FHIT: variants seen among roughly 807,000 people sequenced by gnomAD.
FHIT encodes the protein bis(5'-adenosyl)-triphosphatase.
In FHIT, 19 loss-of-function variants were observed where a neutral mutation model predicts 17.9. The ratio of observed to expected loss-of-function variants is 1.06; its 90% CI spans 0.74 to 1.56. The LOEUF (loss-of-function observed/expected upper bound fraction) is 1.56, where lower values mean the gene tolerates loss of function less well. Ranked by LOEUF, FHIT falls within the 40% of genes most tolerant of loss-of-function variation. The pLI is 0.00. For missense variants in FHIT, 248 were observed against 189.2 expected (o/e 1.31, Z -1.82); for synonymous variants, 81 against 69.7 (o/e 1.16, Z -0.81).
At chr3:60,420,143 G>T (rs750747564) in intron 5 of FHIT, among the ~76,000 whole-genome samples, 3 of 152,026 alleles carry the variant, frequency 2.0e-5, no homozygotes, top group East Asian at 1.9e-4. Context: ...TTCATTGTGC[G>T]TAAATATACA....
chr3:60,849,441 AAT>A (rs10662932), intron 3 of FHIT, among the ~76,000 whole-genome samples: 3,646 of 137,658 alleles, frequency 0.026, 149 homozygotes, highest in African/African-American at 0.079. Context: ...ACAAAAATGA[AAT>A]ATATATATAT....
chr3:59,803,241 T>C (rs589792), intron 8 of FHIT, among the ~76,000 whole-genome samples: 28,156 of 152,072 alleles, frequency 0.19, 3,467 homozygotes, highest in African/African-American at 0.35. Flanking sequence ...GAGATATCCC[T>C]CCCAATTTAT....
chr3:60,153,499 C>T (rs1700557136), intron 5 of FHIT, among the ~76,000 whole-genome samples: 1 of 151,950 alleles, frequency 6.6e-6, no homozygotes, highest in Non-Finnish European at 1.5e-5. Context: ...TGAGGTTTAT[C>T]ATGAATATTG....
intron 3 of FHIT, among the ~76,000 whole-genome samples, chr3:60,823,422 C>T (rs1274694950): frequency 6.6e-6 from 1 of 152,250 alleles, no homozygotes; most frequent in East Asian, 1.9e-4. Context: ...TGAAGTCATA[C>T]TGGAGATCGG....
intron 5 of FHIT, among the ~76,000 whole-genome samples, chr3:60,081,379 AC>A (rs1246262204): frequency 6.6e-6 from 1 of 152,064 alleles, no homozygotes; most frequent in African/African-American, 2.4e-5. Flanking sequence ...AAGCCTTGTC[AC>A]CACAACCCCA....
At chr3:60,196,878 C>T (rs763083789) in intron 5 of FHIT, among the ~76,000 whole-genome samples, 41 of 151,738 alleles carry the variant, frequency 2.7e-4, no homozygotes, top group Admixed American at 1.2e-3. Context: ...TTATACTTTG[C>T]TATGCTTTTG....
At chr3:60,622,833 A>G (rs552206645) in intron 4 of FHIT, among the ~76,000 whole-genome samples, 1 of 152,296 alleles carries the variant, frequency 6.6e-6, no homozygotes, top group East Asian at 1.9e-4. Context: ...CTTGTCCTTC[A>G]TCAGTAGTTT....
rs377689761 is a variant in FHIT, at chr3:60,150,407, A to T, written c.104-136255T>A. On this transcript the variant is annotated intron_variant, in intron 5 of 9. Transcript: ENST00000492590. ...GCCCCTACCCTAGTGGGGATATGGC[A>T]ATGATCTCACCCCATAAGGCAAACA... Among the ~76,000 whole-genome samples the T allele has an allele frequency of 5.3e-5, 8 of 152,302 alleles. 2 individuals carry two copies. Among genetic ancestry groups the T allele is most frequent in the East Asian group, 3.9e-4 (2 of 5,174 alleles).
At chr3:60,148,162 T>C (rs1468882353) in intron 5 of FHIT, among the ~76,000 whole-genome samples, 1 of 152,128 alleles carries the variant, frequency 6.6e-6, no homozygotes, top group Non-Finnish European at 1.5e-5. Context: ...AAACCTACAA[T>C]TCCAGAGGCG....
chr3:60,196,855 T>C (rs992771854), intron 5 of FHIT, among the ~76,000 whole-genome samples: 9 of 151,990 alleles, frequency 5.9e-5, no homozygotes, highest in African/African-American at 2.2e-4. Flanking sequence ...CAGGATTATA[T>C]TAGTCTCATT....
chr3:59,893,761 G>A (rs77408096), intron 8 of FHIT, among the ~76,000 whole-genome samples: 2,353 of 152,196 alleles, frequency 0.015, 54 homozygotes, highest in African/African-American at 0.045. Flanking sequence ...ACTCCTATGC[G>A]TCCACAGCAG....
chr3:60,359,615 C>T (rs189177317), intron 5 of FHIT, among the ~76,000 whole-genome samples: 99 of 152,278 alleles, frequency 6.5e-4, no homozygotes, highest in Non-Finnish European at 1.3e-4. Flanking sequence ...TCTGTGACAG[C>T]CCATGACCCC....
rs782483413 is a variant in FHIT, at chr3:60,919,234, C to T, written c.-110-97223G>A. Among the ~76,000 whole-genome samples the T allele has an allele frequency of 6.3e-4, 96 of 152,206 alleles. 2 individuals are homozygous for T. Among genetic ancestry groups the T allele is most frequent in the African/African-American group, 2.0e-3 (83 of 41,542 alleles). The stretch of plus-strand genomic sequence containing the variant: ...AGGTCAAATTCCTTGAAAACACACG[C>T]GTTATATTTGAGTGTGGCATGCTTC... On this transcript the variant is annotated intron_variant, in intron 3 of 9. Transcript: ENST00000492590.
chr3:61,011,082 T>TG (rs2031764079), intron 3 of FHIT, among the ~76,000 whole-genome samples: 1 of 152,308 alleles, frequency 6.6e-6, no homozygotes, highest in Admixed American at 6.5e-5. Context: ...CTTGAAGTAA[T>TG]GGGCTACTGA....
At chr3:60,182,463 T>A (rs73831976) in intron 5 of FHIT, among the ~76,000 whole-genome samples, 1,620 of 152,214 alleles carry the variant, frequency 0.011, 24 homozygotes, top group African/African-American at 0.038. Flanking sequence ...TCTTGGTTAG[T>A]TTCCTTTCAT....
At chr3:60,939,348 T>C (rs535144046) in intron 3 of FHIT, among the ~76,000 whole-genome samples, 34 of 152,176 alleles carry the variant, frequency 2.2e-4, no homozygotes, top group Non-Finnish European at 3.8e-4. Context: ...AAGGTTGCTC[T>C]CATCATTAAC....
intron 2 of FHIT, among the ~76,000 whole-genome samples, chr3:61,069,354 C>T (rs187453458): frequency 1.5e-4 from 23 of 152,232 alleles, no homozygotes; most frequent in Admixed American, 2.6e-4. Context: ...CTTTAAAAAG[C>T]GCTGATGTCT....
chr3:59,768,433 T>C (rs1461465408), intron 8 of FHIT, among the ~76,000 whole-genome samples: 1 of 152,208 alleles, frequency 6.6e-6, no homozygotes, highest in East Asian at 1.9e-4. Context: ...TTGCACATAC[T>C]GTTCTCCCTG....
At chr3:59,769,228 G>A (rs930873086) in intron 8 of FHIT, among the ~76,000 whole-genome samples, 12 of 152,280 alleles carry the variant, frequency 7.9e-5, no homozygotes, top group African/African-American at 2.4e-4. Flanking sequence ...CTTTTGAGGC[G>A]GAAACTTGAG....
Sources: allele counts gnomAD v4.1 joint callset (sites outside exome capture counted in the v4.1 genomes callset), GRCh38; gene constraint gnomAD v4.1.1; transcripts MANE v1.5; gene names NCBI Gene and HGNC (gene_info 2026-07-23, HGNC 2026-07-21).